SYT14: variants seen among roughly 807,000 people sequenced by gnomAD.
SYT14 encodes synaptotagmin 14.
SYT14 carries 32 observed loss-of-function variants against 74.2 expected under a neutral mutation model. The observed-to-expected ratio is 0.43, with a 90% CI of 0.33 to 0.58. The LOEUF is 0.58. SYT14 is among the 20% of genes least tolerant of loss of function. The pLI is 0.05. For synonymous variants in SYT14, 298 were observed against 337.7 expected, an observed-to-expected ratio of 0.88 and a Z score of 1.29; for missense variants, 791 against 981.8, an observed-to-expected ratio of 0.81 and a Z score of 2.60.
chr1:210,019,563 T>C (rs2080261853), intron 4 of SYT14, among the ~76,000 whole-genome samples: 1 of 152,186 alleles, frequency 6.6e-6, no homozygotes, highest in Non-Finnish European at 1.5e-5. Context: ...ACTGCCACAA[T>C]ATATGACATT....
chr1:209,996,917 C>T (rs1322530549), intron 2 of SYT14, among the ~76,000 whole-genome samples: 3 of 151,934 alleles, frequency 2.0e-5, no homozygotes, highest in Non-Finnish European at 4.4e-5. Context: ...ATCCAGTATC[C>T]CTTCATGACA....
chr1:210,149,709 C>T (rs1221363329), intron 7 of SYT14, among the ~76,000 whole-genome samples: 1 of 152,156 alleles, frequency 6.6e-6, no homozygotes, highest in Non-Finnish European at 1.5e-5. Flanking sequence ...ACCTGAATGT[C>T]AGAGCTGTGC....
chr1:209,939,210 C>T (rs1283473159), intron 1 of SYT14, among the ~76,000 whole-genome samples: 3 of 152,188 alleles, frequency 2.0e-5, no homozygotes, highest in Non-Finnish European at 2.9e-5. Flanking sequence ...CAGGCCCTGT[C>T]TCTTAGATTA....
intron 5 of SYT14, among the ~76,000 whole-genome samples, chr1:210,029,943 G>A (rs6692822): frequency 0.12 from 18,362 of 151,896 alleles, 3,518 homozygotes; most frequent in African/African-American, 0.41. Flanking sequence ...AGTTTTCACC[G>A]TACAAGTCTT....
intron 7 of SYT14, among the ~76,000 whole-genome samples, chr1:210,148,622 C>T (rs2083093593): frequency 1.3e-5 from 2 of 151,096 alleles, no homozygotes; most frequent in African/African-American, 4.9e-5. Context: ...TTGAAACATA[C>T]AAATGTCTAA....
intron 1 of SYT14, among the ~76,000 whole-genome samples, chr1:209,948,243 A>G (rs1448232612): frequency 6.6e-6 from 1 of 152,210 alleles, no homozygotes; most frequent in African/African-American, 2.4e-5. Context: ...AACATGTGTA[A>G]ACATGTACAT....
intron 5 of SYT14, among the ~76,000 whole-genome samples, chr1:210,027,713 C>A (rs1164904690): frequency 6.6e-6 from 1 of 151,990 alleles, no homozygotes; most frequent in Non-Finnish European, 1.5e-5. Context: ...CTAAGGAATT[C>A]TTTATCGTGT....
At chr1:210,163,049 G>C in exon 10 of SYT14, 1 of 453,596 alleles carries the variant, frequency 2.2e-6, no homozygotes, top group South Asian at 1.6e-5. Context: ...ATTTTACTGA[G>C]AAATTGGACT....
At chr1:210,088,545 T>C (rs746635293) in intron 5 of SYT14, among the ~76,000 whole-genome samples, 1 of 152,058 alleles carries the variant, frequency 6.6e-6, no homozygotes, top group African/African-American at 2.4e-5. Context: ...CGTATGTTTA[T>C]TGCAGCACTA....
chr1:210,163,609 T>C (rs1194241490), exon 10 of SYT14: 2 of 453,478 alleles, frequency 4.4e-6, no homozygotes, highest in African/African-American at 2.0e-5. Flanking sequence ...TTACTAGATA[T>C]TATATTTGGT....
chr1:210,089,402 G>A (rs2081815962), intron 5 of SYT14, among the ~76,000 whole-genome samples: 1 of 152,076 alleles, frequency 6.6e-6, no homozygotes, highest in Non-Finnish European at 1.5e-5. Context: ...CCCAGTAATG[G>A]GATTGCTGGG....
chr1:210,161,357 G>T (rs2083369898), exon 10 of SYT14: 1 of 483,468 alleles, frequency 2.1e-6, no homozygotes, highest in Non-Finnish European at 4.0e-6. Context: ...GTCATTTTAT[G>T]AAAAATCAAA....
intron 2 of SYT14, among the ~76,000 whole-genome samples, chr1:210,008,788 A>T (rs2080034423): frequency 6.6e-6 from 1 of 152,220 alleles, no homozygotes; most frequent in Admixed American, 6.5e-5. Flanking sequence ...ATTATCTTAT[A>T]CTTATGCAGA....
intron 2 of SYT14, among the ~76,000 whole-genome samples, chr1:209,982,612 G>A (rs944657734): frequency 1.3e-5 from 2 of 152,116 alleles, no homozygotes; most frequent in Non-Finnish European, 2.9e-5. Context: ...GGACATCTTG[G>A]TTGCTTCCAA....
chr1:210,140,645 T>G (rs1247412260), intron 7 of SYT14, among the ~76,000 whole-genome samples: 1 of 152,206 alleles, frequency 6.6e-6, no homozygotes, highest in African/African-American at 2.4e-5. Flanking sequence ...CTCTTAAATT[T>G]AGGACTATGA....
At chr1:210,015,931 A>G (rs565731168) in exon 4 of SYT14, 10 of 1,230,468 alleles carry the variant, frequency 8.1e-6, no homozygotes, top group East Asian at 3.2e-5. Flanking sequence ...GTTAAATTCA[A>G]GTTCCAAAGT....
intron 5 of SYT14, among the ~76,000 whole-genome samples, chr1:210,042,691 C>G (rs1469679270): frequency 6.6e-6 from 1 of 152,094 alleles, no homozygotes; most frequent in African/African-American, 2.4e-5. Context: ...GTGAAGGCCT[C>G]TGTTCTGTTC....
chr1:209,982,511 A>T lies in SYT14; in HGVS notation c.-486+29755A>T, dbSNP rs2079504511. ...AAAACACTGGTTTTGAAGTTTTGAA[A>T]TTTTTTTTAATAACTCATTTGTTTT... On this transcript the variant is annotated intron_variant, in intron 2 of 9. Transcript: ENST00000637265. Among the ~76,000 whole-genome samples the T allele has an allele frequency of 2.0e-5, 3 of 152,028 alleles. No homozygotes were observed. The South Asian group carries it at 6.2e-4, about 32-fold the overall frequency.
chr1:209,964,095 C>T (rs989832830), intron 2 of SYT14, among the ~76,000 whole-genome samples: 2 of 152,148 alleles, frequency 1.3e-5, no homozygotes, highest in Non-Finnish European at 2.9e-5. Context: ...CCCCACATGT[C>T]AAGGGAGGGA....
Sources: gnomAD v4.1 joint callset for allele counts (sites outside exome capture counted in the v4.1 genomes callset) on GRCh38, gnomAD v4.1.1 for gene constraint, MANE v1.5 for transcripts, NCBI Gene and HGNC (gene_info 2026-07-23, HGNC 2026-07-21) for gene names.